The following IFT52 variants were observed in gnomAD, a reference collection of about 807,000 sequenced individuals.
IFT52 encodes the protein intraflagellar transport 52, also known as intraflagellar transport protein 52 homolog.
In IFT52, 44 loss-of-function variants were observed where a neutral mutation model predicts 54.4. That is an observed-to-expected ratio of 0.81 (90% CI 0.63 to 1.04). The LOEUF is 1.04. IFT52 is among the 50% of genes least tolerant of loss of function. IFT52 has a pLI of 0.00. For missense variants in IFT52, 452 were observed against 523.6 expected (o/e 0.86, Z 1.33); for synonymous variants, 181 against 185.3 (o/e 0.98, Z 0.19).
intron 6 of IFT52, 117 bp from the exon 7 acceptor site, chr20:43,613,733 G>C (rs918478392): frequency 3.0e-6 from 3 of 994,036 alleles, no homozygotes; most frequent in Non-Finnish European, 4.6e-6. Flanking sequence ...CTGCAGCCTG[G>C]GTGACTGAGT....
Position 43,620,839 on chromosome 20 carries a change from CTT to C in IFT52, c.700-9_700-8del. ...AATAACCAACTGTCCTAATTATATA[CTT>C]TTTTTTTTAATTTAGGATGTTGTTT... On this transcript the variant is annotated splice_polypyrimidine_tract_variant and intron_variant, in intron 8 of 13. Transcript: ENST00000373030. 2.3e-6 allele frequency: 3 copies of C among 1,281,906 alleles called. No individual in the cohort carries two copies. Among genetic ancestry groups the C allele is most frequent in the Non-Finnish European group, 3.3e-6 (3 of 921,202 alleles). 79.4% of individuals were successfully genotyped at this position (1,281,906 alleles called of 1,614,324 possible). A position where few individuals can be genotyped will look rare whatever the true frequency, so the allele number is the denominator to read the frequency against.
chr20:43,636,144 C>G, intron 11 of IFT52, 131 bp downstream of exon 11: 1 of 779,878 alleles, frequency 1.3e-6, no homozygotes, highest in South Asian at 1.6e-5. Flanking sequence ...TGCTCTGTCT[C>G]TAAACATGCA....
intron 10 of IFT52, among the ~76,000 whole-genome samples, chr20:43,635,389 C>T (rs543544056): frequency 1.4e-4 from 21 of 152,140 alleles, no homozygotes; most frequent in African/African-American, 4.8e-4. Flanking sequence ...CTCTTTGGTT[C>T]AAGCGATTTT....
At chr20:43,602,577 C>T (rs367822937) in intron 3 of IFT52, among the ~76,000 whole-genome samples, 125 of 152,262 alleles carry the variant, frequency 8.2e-4, no homozygotes, top group African/African-American at 2.7e-3. Context: ...GGTGCAATCT[C>T]GGCTCACTGC....
Position 43,635,026 on chromosome 20 carries a change from G to A in IFT52, c.924-900G>A, listed in dbSNP as rs190984859. The stretch of plus-strand genomic sequence containing the variant: ...CTACTAAAAATACAAAAATTAGCTG[G>A]GTGTGGTGGCGCGTGCCTGTAATCC... On this transcript the variant is annotated intron_variant, in intron 10 of 13. Coordinates refer to ENST00000373030, the MANE Select transcript of IFT52 (RefSeq NM_016004.5). Among the ~76,000 whole-genome samples, 129 of 152,034 alleles carry A rather than the reference G, an allele frequency of 8.5e-4. 2 individuals carry two copies. The East Asian group carries it at 0.022, about 26-fold the overall frequency.
chr20:43,602,797 G>A (rs573132544), intron 3 of IFT52, among the ~76,000 whole-genome samples: 2 of 152,254 alleles, frequency 1.3e-5, no homozygotes, highest in Admixed American at 1.3e-4. Context: ...TACAGTGTGG[G>A]GAAGGCAGGG....
intron 7 of IFT52, 28 bp downstream of exon 7, chr20:43,614,004 G>C (rs1370881496): frequency 3.2e-6 from 5 of 1,569,780 alleles, no homozygotes; most frequent in Non-Finnish European, 4.3e-6. Context: ...TATGGGTATA[G>C]ATGTTATTTT....
chr20:43,598,797 A>C (rs1568712727), intron 3 of IFT52, among the ~76,000 whole-genome samples: 1 of 152,344 alleles, frequency 6.6e-6, no homozygotes, highest in South Asian at 2.1e-4. Context: ...CAATAAAACA[A>C]AAAACCCAGA....
Position 43,620,872 on chromosome 20 carries a change from T to C in IFT52, c.715T>C (p.Trp239Arg). 6.2e-7 allele frequency: 1 copy of C among 1,611,320 alleles called. No homozygotes were observed. Reference sequence around the variant, plus strand: ...TTTAATTTAGGATGTTGTTTTCCAGTGGCTCACGACAGGAGACATCCACCT... The same window carrying C: ...TTTAATTTAGGATGTTGTTTTCCAGCGGCTCACGACAGGAGACATCCACCT... The part of the protein sequence containing the change: ...NSKIMDVVFQ[W>R]LTTGDIHLNQ... The change falls in exon 9 of 14, where the codon TGG (tryptophan) becomes CGG (arginine). Residue 239 changes from tryptophan to arginine, a missense_variant. Transcript: ENST00000373030.
intron 1 of IFT52, among the ~76,000 whole-genome samples, chr20:43,593,407 T>C (rs1981686629): frequency 1.3e-5 from 2 of 152,258 alleles, no homozygotes; most frequent in Non-Finnish European, 2.9e-5. Context: ...ATTCAATAGA[T>C]AAGAATCTCT....
At position 43,618,999 on chromosome 20, in the gene IFT52, G is replaced by C. The variant is rs1984071752; in HGVS notation, c.672G>C (p.Leu224Phe). The C allele has an allele frequency of 6.2e-7, 1 of 1,613,040 alleles. No individual in the cohort carries two copies. Among genetic ancestry groups the C allele is most frequent in the Non-Finnish European group, 8.5e-7 (1 of 1,179,472 alleles). The change falls in exon 8 of 14, where the codon TTG (leucine) becomes TTC (phenylalanine). Residue 224 changes from leucine to phenylalanine, a missense_variant. Coordinates refer to ENST00000373030, the MANE Select transcript of IFT52 (RefSeq NM_016004.5). ...GTCACATGTTCAGTGATCAATATTTGGACAAAGAAGAAAACAGCAAAATCA... is the reference window on the plus strand; with the variant it reads ...GTCACATGTTCAGTGATCAATATTTCGACAAAGAAGAAAACAGCAAAATCA... The part of the protein sequence containing the change: ...GSCHMFSDQY[L>F]DKEENSKIMD...
intron 12 of IFT52, among the ~76,000 whole-genome samples, chr20:43,639,409 G>A (rs1202609025): frequency 2.0e-5 from 3 of 151,894 alleles, no homozygotes; most frequent in Non-Finnish European, 4.4e-5. Context: ...AGTGGCTCAC[G>A]CCTGTAATCC....
intron 8 of IFT52, 58 bp from the exon 9 acceptor site, chr20:43,620,799 C>T: frequency 3.3e-6 from 4 of 1,225,338 alleles, no homozygotes; most frequent in Non-Finnish European, 4.7e-6. Context: ...CTAGTCCTGA[C>T]CTTCAGCTTT....
intron 7 of IFT52, among the ~76,000 whole-genome samples, chr20:43,617,452 T>C (rs901805619): frequency 4.6e-5 from 7 of 151,504 alleles, no homozygotes; most frequent in Non-Finnish European, 8.8e-5. Context: ...TTTTCTGGTT[T>C]TTTTTTTTTG....
intron 10 of IFT52, among the ~76,000 whole-genome samples, chr20:43,634,106 G>T (rs1303172926): frequency 6.6e-6 from 1 of 151,814 alleles, no homozygotes; most frequent in African/African-American, 2.4e-5. Flanking sequence ...GAGTCCAGGA[G>T]TTCAGGATTA....
At chr20:43,615,450 T>C (rs1392420179) in intron 7 of IFT52, among the ~76,000 whole-genome samples, 1 of 152,242 alleles carries the variant, frequency 6.6e-6, no homozygotes, top group East Asian at 1.9e-4. Flanking sequence ...TAGGTGTCTC[T>C]AGCTCTGAAC....
intron 12 of IFT52, among the ~76,000 whole-genome samples, chr20:43,639,235 A>AC (rs1985747584): frequency 1.2e-5 from 1 of 84,026 alleles, no homozygotes; most frequent in East Asian, 3.8e-4. Context: ...CCCCATCTCT[A>AC]CAAAAAAAAA....
intron 10 of IFT52, among the ~76,000 whole-genome samples, chr20:43,625,423 G>A (rs377559931): frequency 1.0e-3 from 158 of 152,138 alleles, no homozygotes; most frequent in Admixed American, 2.6e-3. Context: ...CAGGAGAATC[G>A]TTTGAACCCA....
chr20:43,604,963 T>A lies in IFT52; in HGVS notation c.414-39T>A, dbSNP rs1982739466. On this transcript the variant is annotated intron_variant, in intron 5 of 13. Transcript: ENST00000373030. ...ATGAATGCAGTGTGAAATTCTCAAATTTTTTTTGTTTACTAGATTTTAATT... is the reference window on the plus strand; with the variant it reads ...ATGAATGCAGTGTGAAATTCTCAAAATTTTTTTGTTTACTAGATTTTAATT... The A allele has an allele frequency of 8.2e-6, 13 of 1,587,136 alleles. No individual in the cohort carries two copies. The East Asian group carries it at 3.0e-4, about 36-fold the overall frequency.
Sources: gnomAD v4.1 joint callset for allele counts (sites outside exome capture counted in the v4.1 genomes callset) on GRCh38, gnomAD v4.1.1 for gene constraint, MANE v1.5 for transcripts, NCBI Gene and HGNC (gene_info 2026-07-23, HGNC 2026-07-21) for gene names.